The following SIGLEC14 variants were observed in gnomAD, a reference collection of about 807,000 sequenced individuals.
SIGLEC14 encodes sialic acid binding Ig like lectin 14.
Under a neutral mutation model 34.2 loss-of-function variants are expected in SIGLEC14, and 11 were observed. The observed-to-expected ratio is 0.32, with a 90% CI of 0.20 to 0.53. The LOEUF (loss-of-function observed/expected upper bound fraction) is 0.53. SIGLEC14 is among the 20% of genes least tolerant of loss of function. The pLI is 0.95. For missense variants in SIGLEC14, 264 were observed against 439.0 expected, an observed-to-expected ratio of 0.60 and a Z score of 3.56; for synonymous variants, 99 against 179.7, an observed-to-expected ratio of 0.55 and a Z score of 3.59.
intron 6 of SIGLEC14, 68 bp downstream of exon 6, chr19:51,643,468 TC>T: frequency 2.4e-6 from 3 of 1,268,408 alleles, no homozygotes; most frequent in Non-Finnish European, 3.1e-6. Flanking sequence ...GGCTGAGCTG[TC>T]CTGGGGCAGG....
chr19:51,645,525 G>C lies in SIGLEC14; in HGVS notation c.706C>G (p.Pro236Ala). The change falls in exon 4 of 7, where the codon CCA becomes GCA. Residue 236 changes from proline to alanine, a missense_variant. Pro to Ala is a conservative substitution (Grantham distance 27). This residue lies in a region of SIGLEC14 where 45 missense variants were observed against 96.7 expected (regional missense o/e 0.47). Coordinates refer to ENST00000360844, the MANE Select transcript of SIGLEC14 (RefSeq NM_001098612.3). ...RTVQLNVSYAPQNLAISIFFR... is the reference protein window; with the variant it reads ...RTVQLNVSYAAQNLAISIFFR... The stretch of plus-strand genomic sequence containing the variant: ...AAGATGCTGATGGCGAGGTTCTGTG[G>C]AGCATCTGGGATAGAAAGATACAGC... 1 of 1,532,350 alleles carries C rather than the reference G, an allele frequency of 6.5e-7. No individual in the cohort carries two copies. The highest frequency in any genetic ancestry group is 8.8e-7 in the Non-Finnish European group (1 of 1,140,754). 94.9% of individuals were successfully genotyped at this position (1,532,350 alleles called of 1,614,324 possible). A position where few individuals can be genotyped will look rare whatever the true frequency, so the allele number is the denominator to read the frequency against.
In SIGLEC14 at chr19:51,643,599, C is replaced by T. The variant is rs1357406315; in HGVS notation, c.1086G>A (p.Arg362=). 1 of 1,530,156 alleles carries T rather than the reference C, an allele frequency of 6.5e-7. No individual in the cohort carries two copies. The highest frequency in any genetic ancestry group is 1.2e-5 in the South Asian group (1 of 83,146). 94.8% of individuals were successfully genotyped at this position (1,530,156 alleles called of 1,614,324 possible). A position where few individuals can be genotyped will look rare whatever the true frequency, so the allele number is the denominator to read the frequency against. The change falls in exon 6 of 7, where the codon AGG becomes AGA. Residue 362 remains arginine, a synonymous_variant. Transcript: ENST00000360844. ...GGAAGCCAGCCCCCATGAGAGCCCC[C>T]CTGATCAGGGTGAGGACGAGGGGCC... is the stretch of plus-strand genomic sequence containing the variant. The part of the protein sequence containing the change: ...GSWPLVLTLI[R]GALMGAGFLL...
At position 51,645,877 on chromosome 19, in the gene SIGLEC14, G is replaced by T; in HGVS notation, c.605C>A (p.Pro202His). 3.9e-6 allele frequency: 6 copies of T among 1,525,818 alleles called. No homozygotes were observed. Among genetic ancestry groups the T allele is most frequent in the Non-Finnish European group, 4.4e-6 (5 of 1,139,028 alleles). The allele number at this position is 1,525,818 out of a possible 1,614,324, so 94.5% of individuals were successfully genotyped here. The change falls in exon 3 of 7, where the codon CCC becomes CAC. Residue 202 changes from proline to histidine, a missense_variant. Physicochemically the swap from Pro to His is moderately conservative, Grantham distance 77. Around this residue, in one of 5 missense-constraint regions of SIGLEC14, gnomAD observed 45 missense variants for 96.7 expected, o/e 0.47. Transcript: ENST00000360844. ...GTTGGTGCCATGGTCCTCGGGCCTGGGGGTGAGGGTGAGCTCCGAGGAGCG... is the reference window on the plus strand; with the variant it reads ...GTTGGTGCCATGGTCCTCGGGCCTGTGGGTGAGGGTGAGCTCCGAGGAGCG... Reference protein sequence around the residue: ...TTRSSELTLTPRPEDHGTNLT... With the variant: ...TTRSSELTLTHRPEDHGTNLT...
rs1167214492 is a variant in SIGLEC14 at position 51,641,976 on chromosome 19, A to G, written c.*1379T>C. Among the ~76,000 whole-genome samples the G allele has an allele frequency of 1.5e-5, 2 of 129,304 alleles. 1 individual carries two copies. The highest frequency in any genetic ancestry group is 3.2e-5 in the Non-Finnish European group (2 of 62,284). The allele number at this position is 129,304 out of a possible 152,430, so 84.8% of individuals were successfully genotyped here. On this transcript the variant is annotated 3_prime_UTR_variant, in exon 7 of 7. Coordinates refer to ENST00000360844, the MANE Select transcript of SIGLEC14 (RefSeq NM_001098612.3). ...ATCATATCAAGCATGTGTATTTATT[A>G]AAATGGAACTTAAAAAGAAAGTAGT...
chr19:51,645,665 C>G (rs1868952), intron 3 of SIGLEC14, 117 bp downstream of exon 3: 532,132 of 1,444,198 alleles, frequency 0.37, 143,433 homozygotes, highest in South Asian at 0.44. Context: ...CACGAGTTTT[C>G]CCTGGTTATC....
rs1299658956 is a variant in SIGLEC14 at position 51,644,540 on chromosome 19, T to A, written c.755-504A>T. 1.5e-5 allele frequency among the ~76,000 whole-genome samples: 2 copies of A among 134,580 alleles called. 1 individual carries two copies. The allele number at this position is 134,580 out of a possible 152,430, so 88.3% of individuals were successfully genotyped here. A position where few individuals can be genotyped will look rare whatever the true frequency, so the allele number is the denominator to read the frequency against. On this transcript the variant is annotated intron_variant, in intron 4 of 6. Transcript: ENST00000360844. ...AAGTAGGTCCCGGACTGGAGAGAAGTGGGATAGGAGGCAGGGAGGCTGGGA... is the reference window on the plus strand; with the variant it reads ...AAGTAGGTCCCGGACTGGAGAGAAGAGGGATAGGAGGCAGGGAGGCTGGGA...
chr19:51,644,153 T>C, intron 4 of SIGLEC14, 117 bp from the exon 5 acceptor site: 1 of 1,170,180 alleles, frequency 8.5e-7, no homozygotes, highest in East Asian at 4.2e-5. Context: ...GAGAATGGGC[T>C]AGTCATGGGT....
intron 2 of SIGLEC14, 43 bp downstream of exon 2, chr19:51,646,214 G>A (rs754596115): frequency 7.0e-7 from 1 of 1,422,484 alleles, no homozygotes; most frequent in East Asian, 3.6e-5. Context: ...CTCATACGGG[G>A]GTCTCCACGT....
Position 51,642,231 on chromosome 19 carries a change from C to CA in SIGLEC14, c.*1123dup, listed in dbSNP as rs781627765. Reference sequence around the variant, plus strand: ...AAGGCTGACTGTACGATATTAAAAGCAAAAAAAACCCCACCAAAACTGAGA... The same window carrying CA: ...AAGGCTGACTGTACGATATTAAAAGCAAAAAAAAACCCCACCAAAACTGAGA... On this transcript the variant is annotated 3_prime_UTR_variant, in exon 7 of 7. Transcript: ENST00000360844. Among the ~76,000 whole-genome samples the CA allele has an allele frequency of 1.0e-3, 137 of 137,344 alleles. 19 individuals carry two copies. Among genetic ancestry groups the CA allele is most frequent in the Non-Finnish European group, 1.6e-3 (104 of 64,384 alleles). The allele number at this position is 137,344 out of a possible 152,430, so 90.1% of individuals were successfully genotyped here.
At position 51,643,477 on chromosome 19, in the gene SIGLEC14, A is replaced by G. The variant is rs1190706793; in HGVS notation, c.1148+60T>C. On this transcript the variant is annotated intron_variant, in intron 6 of 6. Coordinates refer to ENST00000360844, the MANE Select transcript of SIGLEC14 (RefSeq NM_001098612.3). The stretch of plus-strand genomic sequence containing the variant: ...AGGTGGGGCTGAGCTGTCCTGGGGC[A>G]GGACAGCTCAGCCCCACCTGGAACT... The G allele has an allele frequency of 2.1e-5, 24 of 1,141,580 alleles. 3 individuals are homozygous for G. Among genetic ancestry groups the G allele is most frequent in the Admixed American group, 1.6e-4 (6 of 38,594 alleles). The allele number at this position is 1,141,580 out of a possible 1,614,324, so 70.7% of individuals were successfully genotyped here. A position where few individuals can be genotyped will look rare whatever the true frequency, so the allele number is the denominator to read the frequency against.
In SIGLEC14 at chr19:51,642,851, C is replaced by T. The variant is rs1405928432; in HGVS notation, c.*504G>A. ...TGGCCAACATGGTAAAACCCCATCT[C>T]TACTAACATACAAAAAAAAAAAATT... On this transcript the variant is annotated 3_prime_UTR_variant, in exon 7 of 7. Coordinates refer to ENST00000360844, the MANE Select transcript of SIGLEC14 (RefSeq NM_001098612.3). 1 of 150,526 alleles carries T rather than the reference C, an allele frequency of 6.6e-6. No homozygotes were observed. The highest frequency in any genetic ancestry group is 1.4e-5 in the Non-Finnish European group (1 of 73,954). 9.3% of individuals were successfully genotyped at this position (150,526 alleles called of 1,614,324 possible).
rs746590976 is a variant in SIGLEC14, at chr19:51,640,822, A to G, written c.*2533T>C. ...AACCTTGTCTCTACTAAATACAAAA[A>G]AAACTAGCCAGGCGTGATGGTGCGT... On this transcript the variant is annotated 3_prime_UTR_variant, in exon 7 of 7. Transcript: ENST00000360844. Among the ~76,000 whole-genome samples the G allele has an allele frequency of 3.9e-4, 54 of 138,164 alleles. 9 individuals are homozygous for G. Among genetic ancestry groups the G allele is most frequent in the Non-Finnish European group, 7.4e-4 (48 of 64,718 alleles). 90.6% of individuals were successfully genotyped at this position (138,164 alleles called of 152,430 possible). A position where few individuals can be genotyped will look rare whatever the true frequency, so the allele number is the denominator to read the frequency against.
rs780626058 is a variant in SIGLEC14, at chr19:51,640,846, G to A, written c.*2509C>T. 2.8e-4 allele frequency among the ~76,000 whole-genome samples: 39 copies of A among 138,114 alleles called. 3 individuals carry two copies. The highest frequency in any genetic ancestry group is 7.7e-4 in the Admixed American group (11 of 14,344). 90.6% of individuals were successfully genotyped at this position (138,114 alleles called of 152,430 possible). A position where few individuals can be genotyped will look rare whatever the true frequency, so the allele number is the denominator to read the frequency against. On this transcript the variant is annotated 3_prime_UTR_variant, in exon 7 of 7. Coordinates refer to ENST00000360844, the MANE Select transcript of SIGLEC14 (RefSeq NM_001098612.3). ...AAAAACTAGCCAGGCGTGATGGTGC[G>A]TGCCTGTAATCCAAGCTATTTGGGA...
In SIGLEC14 at chr19:51,639,948, G is replaced by C. The variant is rs1441832606; in HGVS notation, c.*3407C>G. The stretch of plus-strand genomic sequence containing the variant: ...AATGAAGAAATTATAAAAGCAGCAA[G>C]ACATAAACAGATATTGCCTTAAATG... On this transcript the variant is annotated 3_prime_UTR_variant, in exon 7 of 7. Transcript: ENST00000360844. 2 of 139,394 alleles carry C rather than the reference G, an allele frequency of 1.4e-5. No homozygotes were observed. The highest frequency in any genetic ancestry group is 3.1e-5 in the Non-Finnish European group (2 of 65,034). The allele number at this position is 139,394 out of a possible 1,614,324, so 8.6% of individuals were successfully genotyped here.
At position 51,643,897 on chromosome 19, in the gene SIGLEC14, G is replaced by A. The variant is rs1472320770; in HGVS notation, c.894C>T (p.Thr298=). The change falls in exon 5 of 7, where the codon ACC becomes ACT. Residue 298 remains threonine, a synonymous_variant. Coordinates refer to ENST00000360844, the MANE Select transcript of SIGLEC14 (RefSeq NM_001098612.3). The part of the protein sequence containing the change: ...REGKALNPSQ[T]SMSGTLELPN... Reference sequence around the variant, plus strand: ...GCAGCTCCAGGGTCCCAGACATTGAGGTCTGGGAAGGATTGAGGGCTTTTC... The same window carrying A: ...GCAGCTCCAGGGTCCCAGACATTGAAGTCTGGGAAGGATTGAGGGCTTTTC... The A allele has an allele frequency of 2.6e-6, 4 of 1,533,948 alleles. 1 individual carries two copies. In the Admixed American group the frequency reaches 6.9e-5, roughly 26 times the overall value.
rs769928437 is a variant in SIGLEC14, at chr19:51,643,559, G to T, written c.1126C>A (p.Leu376Ile). Residue 376 changes from leucine to isoleucine, a missense_variant, in exon 6 of 7, where the codon CTC (leucine) becomes ATC (isoleucine). Transcript: ENST00000360844. ...CACCTGGTATAGTAGATCCAGGTGA[G>T]GCCATAGGTGAGGAGGAAGCCAGCC... is the stretch of plus-strand genomic sequence containing the variant. ...MGAGFLLTYG[L>I]TWIYYTRCGG... The T allele has an allele frequency of 7.2e-6, 11 of 1,527,868 alleles. 3 individuals are homozygous for T. The South Asian group carries it at 1.3e-4, about 18-fold the overall frequency. 94.6% of individuals were successfully genotyped at this position (1,527,868 alleles called of 1,614,324 possible). A position where few individuals can be genotyped will look rare whatever the true frequency, so the allele number is the denominator to read the frequency against.
chr19:51,645,623 C>G, intron 3 of SIGLEC14, 93 bp from the exon 4 acceptor site: 1 of 1,455,196 alleles, frequency 6.9e-7, no homozygotes, highest in Non-Finnish European at 9.3e-7. Context: ...CAGAAACCCA[C>G]CAGGTGGGGA....
rs1278747653 is a variant in SIGLEC14, at chr19:51,642,239, A to C, written c.*1116T>G. ...CTGTACGATATTAAAAGCAAAAAAAACCCCACCAAAACTGAGAATGAGCTA... is the reference window on the plus strand; with the variant it reads ...CTGTACGATATTAAAAGCAAAAAAACCCCCACCAAAACTGAGAATGAGCTA... On this transcript the variant is annotated 3_prime_UTR_variant, in exon 7 of 7. Transcript: ENST00000360844. 7.2e-6 allele frequency among the ~76,000 whole-genome samples: 1 copy of C among 139,310 alleles called. No homozygotes were observed. Among genetic ancestry groups the C allele is most frequent in the Non-Finnish European group, 1.5e-5 (1 of 65,094 alleles). 91.4% of individuals were successfully genotyped at this position (139,310 alleles called of 152,430 possible). A position where few individuals can be genotyped will look rare whatever the true frequency, so the allele number is the denominator to read the frequency against.
At position 51,641,824 on chromosome 19, in the gene SIGLEC14, G is replaced by A. The variant is rs1192051573; in HGVS notation, c.*1531C>T. ...AAGGTGGGAGGAGGGAGAGGATGAG[G>A]AAAATAACTAATGGGTACTAGGCTT... is the stretch of plus-strand genomic sequence containing the variant. On this transcript the variant is annotated 3_prime_UTR_variant, in exon 7 of 7. Transcript: ENST00000360844. 7.2e-6 allele frequency among the ~76,000 whole-genome samples: 1 copy of A among 138,602 alleles called. No individual in the cohort carries two copies. Among genetic ancestry groups the A allele is most frequent in the East Asian group, 3.3e-4 (1 of 2,986 alleles). 90.9% of individuals were successfully genotyped at this position (138,602 alleles called of 152,430 possible).
Sources: gnomAD v4.1 joint callset for allele counts (sites outside exome capture counted in the v4.1 genomes callset) on GRCh38, gnomAD v4.1.1 for gene constraint, gnomAD v4.1.1 regional missense constraint, MANE v1.5 for transcripts, NCBI Gene and HGNC (gene_info 2026-07-23, HGNC 2026-07-21) for gene names.